The following BCL10 variants were observed in gnomAD, a reference collection of about 807,000 sequenced individuals.
The protein encoded by BCL10 is BCL10 immune signaling adaptor, also known as B-cell lymphoma/leukemia 10.
A neutral mutation model predicts 19.2 loss-of-function variants in BCL10; 5 were observed. The ratio of observed to expected loss-of-function variants is 0.26; its 90% CI spans 0.14 to 0.55. BCL10 has a LOEUF of 0.55. Ranked by LOEUF, BCL10 falls within the 20% of genes least tolerant of loss-of-function variation. BCL10 has a pLI of 0.94. For synonymous variants in BCL10, 110 were observed against 98.8 expected (o/e 1.11, Z -0.67); for missense variants, 201 against 271.9 (o/e 0.74, Z 1.83).
chr1:85,274,241 C>A (rs1051658973), intron 1 of BCL10, among the ~76,000 whole-genome samples: 1 of 152,112 alleles, frequency 6.6e-6, no homozygotes, highest in Non-Finnish European at 1.5e-5. Context: ...CAGGCAGCTA[C>A]GAGGTATGTT....
rs529305659 is a variant in BCL10, at chr1:85,276,286, C to G, written c.57+10G>C. On this transcript the variant is annotated intron_variant, in intron 1 of 2. Coordinates refer to ENST00000648566, the MANE Select transcript of BCL10 (RefSeq NM_003921.5). ...CCCCCGCCCGCCCTGGGCACAGCTG[C>G]GTTACTCACGTCCTTCTTCACTTCA... 6.2e-7 allele frequency: 1 copy of G among 1,612,434 alleles called. No individual in the cohort carries two copies. Among genetic ancestry groups the G allele is most frequent in the South Asian group, 1.1e-5 (1 of 91,020 alleles).
chr1:85,266,963 T>G lies in BCL10; in HGVS notation c.*664A>C, dbSNP rs1253175703. 1 of 185,490 alleles carries G rather than the reference T, an allele frequency of 5.4e-6. No homozygotes were observed. The highest frequency in any genetic ancestry group is 2.3e-5 in the African/African-American group (1 of 42,626). The allele number at this position is 185,490 out of a possible 1,614,324, so 11.5% of individuals were successfully genotyped here. On this transcript the variant is annotated 3_prime_UTR_variant, in exon 3 of 3. Coordinates refer to ENST00000648566, the MANE Select transcript of BCL10 (RefSeq NM_003921.5). ...ACTGAGGTTTAGGCCAAGATATTTT[T>G]CTTTAGGAATGAAAATGATTAAGCC...
Position 85,267,937 on chromosome 1 carries a change from T to C in BCL10, c.392A>G (p.Asn131Ser), listed in dbSNP as rs370245790. 4.4e-6 allele frequency: 7 copies of C among 1,602,892 alleles called. No individual in the cohort carries two copies. Among genetic ancestry groups the C allele is most frequent in the Non-Finnish European group, 6.0e-6 (7 of 1,173,894 alleles). The change falls in exon 3 of 3, where the codon AAC becomes AGC. Residue 131 changes from asparagine to serine, a missense_variant. Physicochemically the swap from Asn to Ser is conservative, Grantham distance 46 (BLOSUM62 1). Around this residue, in one of 3 missense-constraint regions of BCL10, gnomAD observed 126 missense variants for 136.6 expected, o/e 0.92. Coordinates refer to ENST00000648566, the MANE Select transcript of BCL10 (RefSeq NM_003921.5). ...SCEPFPDGAT[N>S]NLSRSNSDES... Reference sequence around the variant, plus strand: ...ATCTGAATTTGATCTGGAGAGGTTGTTCGTGGCTCCATCTGGAAAAGGTTC... The same window carrying C: ...ATCTGAATTTGATCTGGAGAGGTTGCTCGTGGCTCCATCTGGAAAAGGTTC...
In BCL10 at chr1:85,267,567, A is replaced by C; in HGVS notation, c.*60T>G. The stretch of plus-strand genomic sequence containing the variant: ...AACAAATGATTACAGCCATTTTATA[A>C]AAAGTCATATTCTTTAAAACATTTT... On this transcript the variant is annotated 3_prime_UTR_variant, in exon 3 of 3. Coordinates refer to ENST00000648566, the MANE Select transcript of BCL10 (RefSeq NM_003921.5). The C allele has an allele frequency of 7.3e-7, 1 of 1,370,466 alleles. No homozygotes were observed. Among genetic ancestry groups the C allele is most frequent in the South Asian group, 1.5e-5 (1 of 68,790 alleles). 84.9% of individuals were successfully genotyped at this position (1,370,466 alleles called of 1,614,324 possible). A position where few individuals can be genotyped will look rare whatever the true frequency, so the allele number is the denominator to read the frequency against.
At position 85,265,845 on chromosome 1, in the gene BCL10, CTT is replaced by C. The variant is rs1171300094; in HGVS notation, c.*1780_*1781del. On this transcript the variant is annotated 3_prime_UTR_variant, in exon 3 of 3. Coordinates refer to ENST00000648566, the MANE Select transcript of BCL10 (RefSeq NM_003921.5). ...TCTGAAAGAAAACTCAGTGTTAAAA[CTT>C]ATCTATATATAGGTGTTATTGTATA... Among the ~76,000 whole-genome samples the C allele has an allele frequency of 6.6e-6, 1 of 152,130 alleles. No individual in the cohort carries two copies. The highest frequency in any genetic ancestry group is 2.4e-5 in the African/African-American group (1 of 41,430).
At position 85,270,847 on chromosome 1, in the gene BCL10, A is replaced by T; in HGVS notation, c.117T>A (p.Asp39Glu). ...TGAGTATTTTTTTTGCACGTAGATGATCAAAATGTCTCTCAGCTATGATTT... is the reference window on the plus strand; with the variant it reads ...TGAGTATTTTTTTTGCACGTAGATGTTCAAAATGTCTCTCAGCTATGATTT... ...CEKIIAERHF[D>E]HLRAKKILSR... The change falls in exon 2 of 3, where the codon GAT becomes GAA. Residue 39 changes from aspartate (D) to glutamate (E), a missense_variant. By Grantham distance (45) the Asp-to-Glu change is conservative. This residue lies in a region of BCL10 where 51 missense variants were observed against 118.8 expected (regional missense o/e 0.43). Coordinates refer to ENST00000648566, the MANE Select transcript of BCL10 (RefSeq NM_003921.5). 6.2e-7 allele frequency: 1 copy of T among 1,613,468 alleles called. No individual in the cohort carries two copies. The highest frequency in any genetic ancestry group is 8.5e-7 in the Non-Finnish European group (1 of 1,179,984).
chr1:85,271,203 G>A (rs1660363369), intron 1 of BCL10, among the ~76,000 whole-genome samples: 2 of 152,168 alleles, frequency 1.3e-5, no homozygotes, highest in Non-Finnish European at 1.5e-5. Context: ...TCTGTTGAGG[G>A]CCATCTTCGG....
intron 1 of BCL10, among the ~76,000 whole-genome samples, chr1:85,272,048 G>A (rs2100749387): frequency 6.6e-6 from 1 of 151,840 alleles, no homozygotes; most frequent in South Asian, 2.1e-4. Flanking sequence ...ATCGGGCCCA[G>A]AAAAAAAAGA....
At chr1:85,268,156 C>T (rs1456274273) in intron 2 of BCL10, among the ~76,000 whole-genome samples, 174 bp from the exon 3 acceptor site, 1 of 152,162 alleles carries the variant, frequency 6.6e-6, no homozygotes, top group Non-Finnish European at 1.5e-5. Flanking sequence ...TCTCAACAAC[C>T]ATGAAGTATA....
intron 1 of BCL10, among the ~76,000 whole-genome samples, chr1:85,275,571 A>G (rs1422294720): frequency 6.6e-6 from 1 of 152,202 alleles, no homozygotes; most frequent in Admixed American, 6.5e-5. Context: ...TTTTAGTGAT[A>G]CTCATATAGG....
chr1:85,267,109 G>T lies in BCL10; in HGVS notation c.*518C>A. On this transcript the variant is annotated 3_prime_UTR_variant, in exon 3 of 3. Transcript: ENST00000648566. ...AAGTGTTCCTCCAGTATCAAAAAGA[G>T]GCTGTTTACATGCCTATACGACAAT... 1 of 191,102 alleles carries T rather than the reference G, an allele frequency of 5.2e-6. No homozygotes were observed. Among genetic ancestry groups the T allele is most frequent in the Non-Finnish European group, 1.1e-5 (1 of 91,108 alleles). The allele number at this position is 191,102 out of a possible 1,614,324, so 11.8% of individuals were successfully genotyped here. A position where few individuals can be genotyped will look rare whatever the true frequency, so the allele number is the denominator to read the frequency against.
chr1:85,266,913 A>T lies in BCL10; in HGVS notation c.*714T>A, dbSNP rs954489817. 6.1e-5 allele frequency: 11 copies of T among 181,778 alleles called. No homozygotes were observed. Among genetic ancestry groups the T allele is most frequent in the Admixed American group, 3.1e-4 (5 of 15,962 alleles). The allele number at this position is 181,778 out of a possible 1,614,324, so 11.3% of individuals were successfully genotyped here. A position where few individuals can be genotyped will look rare whatever the true frequency, so the allele number is the denominator to read the frequency against. ...AAAAAAAAAAAGAAAAAAGGAAAAAATACCTCATCAAATTACATGTAATAA... is the reference window on the plus strand; with the variant it reads ...AAAAAAAAAAAGAAAAAAGGAAAAATTACCTCATCAAATTACATGTAATAA... On this transcript the variant is annotated 3_prime_UTR_variant, in exon 3 of 3. Coordinates refer to ENST00000648566, the MANE Select transcript of BCL10 (RefSeq NM_003921.5).
At chr1:85,271,001 ATGTTC>A in intron 1 of BCL10, 95 bp from the exon 2 acceptor site, 2 of 1,298,798 alleles carry the variant, frequency 1.5e-6, no homozygotes, top group Non-Finnish European at 2.1e-6. Flanking sequence ...GTGTGAGACA[ATGTTC>A]TAAAGTCAGG....
chr1:85,272,343 T>C (rs1214489224), intron 1 of BCL10, among the ~76,000 whole-genome samples: 1 of 151,998 alleles, frequency 6.6e-6, no homozygotes, highest in Non-Finnish European at 1.5e-5. Flanking sequence ...GTGATCCCCA[T>C]CTTAGCCTCT....
Position 85,276,604 on chromosome 1 carries a change from T to C in BCL10, c.-252A>G, listed in dbSNP as rs1660545453. On this transcript the variant is annotated 5_prime_UTR_variant, in exon 1 of 3. Transcript: ENST00000648566. ...ACGCGGAGCTCGGAGCAGCGTTCCT[T>C]CCCTCTCGTAGAGGCTCAGGCGCAG... The C allele has an allele frequency of 1.7e-6, 1 of 577,416 alleles. No individual in the cohort carries two copies. Among genetic ancestry groups the C allele is most frequent in the Non-Finnish European group, 3.1e-6 (1 of 323,226 alleles). The allele number at this position is 577,416 out of a possible 1,614,324, so 35.8% of individuals were successfully genotyped here. A position where few individuals can be genotyped will look rare whatever the true frequency, so the allele number is the denominator to read the frequency against.
rs1660187731 is a variant in BCL10, at chr1:85,266,316, A to C, written c.*1311T>G. 5.4e-6 allele frequency: 1 copy of C among 185,536 alleles called. No homozygotes were observed. Among genetic ancestry groups the C allele is most frequent in the African/African-American group, 2.3e-5 (1 of 42,698 alleles). 11.5% of individuals were successfully genotyped at this position (185,536 alleles called of 1,614,324 possible). A position where few individuals can be genotyped will look rare whatever the true frequency, so the allele number is the denominator to read the frequency against. ...TATGTTTTTGCAATTAATAATAGAA[A>C]TATATAGGAGACAATGTCAGGAAAC... On this transcript the variant is annotated 3_prime_UTR_variant, in exon 3 of 3. Transcript: ENST00000648566.
Position 85,276,466 on chromosome 1 carries a change from C to T in BCL10, c.-114G>A, listed in dbSNP as rs1660536381. 1.6e-6 allele frequency: 2 copies of T among 1,263,460 alleles called. No individual in the cohort carries two copies. Among genetic ancestry groups the T allele is most frequent in the Admixed American group, 1.9e-5 (1 of 53,494 alleles). The allele number at this position is 1,263,460 out of a possible 1,614,324, so 78.3% of individuals were successfully genotyped here. On this transcript the variant is annotated 5_prime_UTR_variant, in exon 1 of 3. Transcript: ENST00000648566. ...TGGGGAAGAAGGAGAGGAGGCGGAGCGGGTCGGGAGAAAGACGGCCGCCCC... is the reference window on the plus strand; with the variant it reads ...TGGGGAAGAAGGAGAGGAGGCGGAGTGGGTCGGGAGAAAGACGGCCGCCCC...
intron 1 of BCL10, among the ~76,000 whole-genome samples, chr1:85,272,885 G>A (rs1660405233): frequency 6.6e-6 from 1 of 152,186 alleles, no homozygotes; most frequent in Non-Finnish European, 1.5e-5. Context: ...AATTATGGAA[G>A]ACAAGGTTCA....
Position 85,273,882 on chromosome 1 carries a change from TG to T in BCL10, c.57+2413del, listed in dbSNP as rs199567739. Among the ~76,000 whole-genome samples the T allele has an allele frequency of 1.2e-3, 186 of 151,848 alleles. No homozygotes were observed. In the South Asian group the frequency reaches 0.013, roughly 11 times the overall value. ...TTCTTCAACAAGTCCCTACTATACT[TG>T]GGGGGAAAAAAACCCCAGATACTTT... On this transcript the variant is annotated intron_variant, in intron 1 of 2. Coordinates refer to ENST00000648566, the MANE Select transcript of BCL10 (RefSeq NM_003921.5).
Sources: gnomAD v4.1 joint callset for allele counts (sites outside exome capture counted in the v4.1 genomes callset) on GRCh38, gnomAD v4.1.1 for gene constraint, gnomAD v4.1.1 regional missense constraint, MANE v1.5 for transcripts, NCBI Gene and HGNC (gene_info 2026-07-23, HGNC 2026-07-21) for gene names.